The following CACNA1C variants were observed in gnomAD, a reference collection of about 807,000 sequenced individuals.
The protein encoded by CACNA1C is voltage-dependent L-type calcium channel subunit alpha-1C.
In CACNA1C, 30 loss-of-function variants were observed where a neutral mutation model predicts 229.0. That is an observed-to-expected ratio of 0.13 (90% CI 0.10 to 0.18). The LOEUF (loss-of-function observed/expected upper bound fraction) is 0.18, where lower values mean the gene tolerates loss of function less well. Ranked by LOEUF, CACNA1C falls within the 10% of genes least tolerant of loss-of-function variation. CACNA1C has a pLI of 1.00. For synonymous variants in CACNA1C, 1,114 were observed against 1,132.5 expected (o/e 0.98, Z 0.33); for missense variants, 1,658 against 2,845.0 (o/e 0.58, Z 9.49).
chr12:2,607,181 C>T (rs1395581147), intron 26 of CACNA1C, 51 bp downstream of exon 26: 1 of 1,555,394 alleles, frequency 6.4e-7, no homozygotes, highest in East Asian at 2.4e-5. Flanking sequence ...AGGGCCAGTA[C>T]TGACTTTCCA....
chr12:2,291,011 A>T (rs2093439635), intron 3 of CACNA1C, among the ~76,000 whole-genome samples: 1 of 152,224 alleles, frequency 6.6e-6, no homozygotes, highest in Non-Finnish European at 1.5e-5. Context: ...ACTGGATTCA[A>T]ATCCCCAGTT....
At chr12:2,307,814 A>G (rs1279517087) in intron 3 of CACNA1C, among the ~76,000 whole-genome samples, 2 of 152,196 alleles carry the variant, frequency 1.3e-5, no homozygotes, top group Non-Finnish European at 2.9e-5. Context: ...CACACCTTCA[A>G]TTCCAAAAGG....
intron 3 of CACNA1C, among the ~76,000 whole-genome samples, chr12:2,444,827 A>T (rs1370397744): frequency 6.6e-6 from 1 of 151,822 alleles, no homozygotes; most frequent in Admixed American, 6.6e-5. Context: ...CCTACATCTC[A>T]CCAATCCCAC....
chr12:2,618,891 T>A (rs961389594), intron 29 of CACNA1C, among the ~76,000 whole-genome samples: 2 of 152,252 alleles, frequency 1.3e-5, no homozygotes, highest in Admixed American at 6.5e-5. Flanking sequence ...CATTGCTGGC[T>A]GAAATGTACT....
intron 3 of CACNA1C, among the ~76,000 whole-genome samples, chr12:2,428,957 G>A (rs2099057610): frequency 1.3e-5 from 2 of 152,166 alleles, no homozygotes; most frequent in Admixed American, 1.3e-4. Context: ...AGTGGCTTAA[G>A]ACAACAAAAA....
At chr12:2,007,547 T>C (rs1224121381) in intron 1 of CACNA1C, among the ~76,000 whole-genome samples, 2 of 152,258 alleles carry the variant, frequency 1.3e-5, no homozygotes, top group African/African-American at 4.8e-5. Context: ...GGTCATGTCT[T>C]CTCCAGTCTT....
intron 1 of CACNA1C, among the ~76,000 whole-genome samples, chr12:2,096,266 T>C (rs1195129585): frequency 1.3e-5 from 2 of 152,258 alleles, no homozygotes; most frequent in Admixed American, 1.3e-4. Context: ...TGTGCACATA[T>C]GATTTATTTG....
At chr12:2,435,575 C>T (rs2099126455) in intron 3 of CACNA1C, among the ~76,000 whole-genome samples, 1 of 152,200 alleles carries the variant, frequency 6.6e-6, no homozygotes, top group African/African-American at 2.4e-5. Context: ...AGGGTGGCCT[C>T]TGCAGCACCC....
intron 9 of CACNA1C, among the ~76,000 whole-genome samples, chr12:2,513,895 G>A (rs1443065055): frequency 6.6e-6 from 1 of 152,150 alleles, no homozygotes; most frequent in African/African-American, 2.4e-5. Flanking sequence ...GAGAAGCTTT[G>A]GGTTAACTCT....
chr12:2,402,682 CA>C (rs1371731726), intron 3 of CACNA1C, among the ~76,000 whole-genome samples: 1 of 152,200 alleles, frequency 6.6e-6, no homozygotes, highest in East Asian at 1.9e-4. Context: ...AGATAAGCAG[CA>C]ATCTACTAGC....
Position 2,665,103 on chromosome 12 carries a change from C to A in CACNA1C, c.4398+113C>A. The stretch of plus-strand genomic sequence containing the variant: ...AGGGCAACCCTATCAGAGGAGCTGG[C>A]TTGGGAAGACTAAGTTGGCAGGAGT... On this transcript the variant is annotated intron_variant, in intron 35 of 46. Transcript: ENST00000399655. The surrounding 1 kb of genome is among the most constrained non-coding windows in gnomAD (Gnocchi z 5.9). 2 of 1,119,368 alleles carry A rather than the reference C, an allele frequency of 1.8e-6. No homozygotes were observed. The highest frequency in any genetic ancestry group is 2.6e-6 in the Non-Finnish European group (2 of 772,710). 69.3% of individuals were successfully genotyped at this position (1,119,368 alleles called of 1,614,324 possible).
intron 1 of CACNA1C, among the ~76,000 whole-genome samples, chr12:1,984,553 G>A (rs903354865): frequency 2.6e-5 from 4 of 151,646 alleles, no homozygotes; most frequent in African/African-American, 4.8e-5. Flanking sequence ...TATCACATCC[G>A]TATACACTGA....
chr12:2,643,777 C>T (rs2094014890), intron 30 of CACNA1C, among the ~76,000 whole-genome samples: 1 of 152,162 alleles, frequency 6.6e-6, no homozygotes, highest in African/African-American at 2.4e-5. Context: ...CAGATGTCTC[C>T]AGCAGCCCCT....
intron 3 of CACNA1C, among the ~76,000 whole-genome samples, chr12:2,196,694 A>G (rs1331409883): frequency 6.6e-6 from 1 of 152,222 alleles, no homozygotes; most frequent in East Asian, 1.9e-4. Context: ...ACACATTTAC[A>G]CTGAAGCGTA....
At chr12:2,159,998 T>C (rs1477354852) in intron 3 of CACNA1C, among the ~76,000 whole-genome samples, 2 of 152,348 alleles carry the variant, frequency 1.3e-5, no homozygotes, top group Admixed American at 6.5e-5. Context: ...TGCTGGGCAT[T>C]GAGGCAATTT....
intron 3 of CACNA1C, among the ~76,000 whole-genome samples, chr12:2,256,584 C>T (rs1290588353): frequency 2.0e-5 from 3 of 152,078 alleles, no homozygotes; most frequent in African/African-American, 7.2e-5. Flanking sequence ...ACCAGTTAAC[C>T]AGTTAGAGAT....
At chr12:2,401,724 A>G (rs973829110) in intron 3 of CACNA1C, among the ~76,000 whole-genome samples, 1 of 152,250 alleles carries the variant, frequency 6.6e-6, no homozygotes, top group Non-Finnish European at 1.5e-5. Flanking sequence ...TAGGCTCATT[A>G]TGAGGAATAA....
chr12:2,241,967 C>T (rs1357225414), intron 3 of CACNA1C, among the ~76,000 whole-genome samples: 1 of 152,158 alleles, frequency 6.6e-6, no homozygotes. Context: ...GCATGGTGCC[C>T]TTGTCCCTGC....
At chr12:2,174,843 T>G (rs1406035723) in intron 3 of CACNA1C, among the ~76,000 whole-genome samples, 1 of 152,234 alleles carries the variant, frequency 6.6e-6, no homozygotes, top group Non-Finnish European at 1.5e-5. Context: ...CAAATGTCAT[T>G]AAGAAAATCC....
Sources: gnomAD v4.1 joint callset for allele counts (sites outside exome capture counted in the v4.1 genomes callset) on GRCh38, gnomAD v4.1.1 for gene constraint, Gnocchi (gnomAD v3.1) non-coding constraint, MANE v1.5 for transcripts, NCBI Gene and HGNC (gene_info 2026-07-23, HGNC 2026-07-21) for gene names.